PTPRG: variants seen among roughly 807,000 people sequenced by gnomAD.
The protein encoded by PTPRG is protein tyrosine phosphatase receptor type G.
PTPRG carries 102 observed loss-of-function variants against 165.3 expected under a neutral mutation model. The observed-to-expected ratio is 0.62, with a 90% CI of 0.53 to 0.73. The LOEUF is 0.73. Among genes scored for constraint, PTPRG ranks in the 30% least tolerant of loss-of-function variants. PTPRG has a pLI of 0.00. For synonymous variants in PTPRG, 675 were observed against 669.5 expected (o/e 1.01, Z -0.13); for missense variants, 1,866 against 1,861.4 (o/e 1.00, Z -0.05).
intron 1 of PTPRG, among the ~76,000 whole-genome samples, chr3:61,616,033 C>T (rs1701288543): frequency 6.6e-6 from 1 of 152,232 alleles, no homozygotes; most frequent in African/African-American, 2.4e-5. Flanking sequence ...TCACTGCAAC[C>T]TCCGCCTTCT....
At chr3:61,920,092 T>G (rs532089762) in intron 2 of PTPRG, among the ~76,000 whole-genome samples, 2 of 152,316 alleles carry the variant, frequency 1.3e-5, no homozygotes, top group African/African-American at 4.8e-5. Context: ...CTGGTTGAGG[T>G]GTTTTTCTCC....
chr3:61,740,791 G>C (rs1429760844), intron 1 of PTPRG, among the ~76,000 whole-genome samples: 1 of 151,950 alleles, frequency 6.6e-6, no homozygotes, highest in African/African-American at 2.4e-5. Context: ...ATTCATGTAA[G>C]GTGATGAAAA....
At chr3:61,908,118 C>CT (rs1377066306) in intron 2 of PTPRG, among the ~76,000 whole-genome samples, 13 of 75,234 alleles carry the variant, frequency 1.7e-4, no homozygotes, top group Non-Finnish European at 3.3e-4. Context: ...GACCACCTCT[C>CT]TTTAAAAAAA....
chr3:61,917,124 G>C (rs575066169), intron 2 of PTPRG, among the ~76,000 whole-genome samples: 2 of 152,182 alleles, frequency 1.3e-5, no homozygotes, highest in East Asian at 3.9e-4. Flanking sequence ...TGCTTTTTGC[G>C]TCCCCTGCAG....
intron 2 of PTPRG, among the ~76,000 whole-genome samples, chr3:61,764,602 G>A (rs12629194): frequency 0.13 from 20,380 of 152,166 alleles, 1,784 homozygotes; most frequent in East Asian, 0.45. Flanking sequence ...TGATACTTGA[G>A]CAGACATCTG....
chr3:62,150,709 T>G (rs919667218), intron 6 of PTPRG, among the ~76,000 whole-genome samples: 7 of 152,106 alleles, frequency 4.6e-5, no homozygotes, highest in Non-Finnish European at 1.0e-4. Context: ...AGAAACCAAA[T>G]AATCATTGGG....
chr3:62,035,311 T>C (rs1325663623), intron 4 of PTPRG, among the ~76,000 whole-genome samples: 1 of 152,166 alleles, frequency 6.6e-6, no homozygotes, highest in Non-Finnish European at 1.5e-5. Context: ...CACTGTCAAA[T>C]GTAAAAGCCA....
chr3:61,649,081 C>G (rs6445231), intron 1 of PTPRG, among the ~76,000 whole-genome samples: 1 of 151,974 alleles, frequency 6.6e-6, no homozygotes, highest in Admixed American at 6.6e-5. Flanking sequence ...CATTGTTACA[C>G]GAGTATGCCG....
chr3:62,138,540 G>A (rs1703801197), intron 6 of PTPRG, among the ~76,000 whole-genome samples: 1 of 151,976 alleles, frequency 6.6e-6, no homozygotes, highest in African/African-American at 2.4e-5. Context: ...CCAACATGGT[G>A]AATCTCCATC....
chr3:62,080,061 CATT>C (rs1701513637), intron 5 of PTPRG, among the ~76,000 whole-genome samples: 2 of 111,570 alleles, frequency 1.8e-5, no homozygotes, highest in Non-Finnish European at 1.8e-5. Context: ...CCCTTCGGTT[CATT>C]TTTTTTTTTT....
chr3:61,775,039 G>A (rs1359119468), intron 2 of PTPRG, among the ~76,000 whole-genome samples: 1 of 152,084 alleles, frequency 6.6e-6, no homozygotes, highest in Non-Finnish European at 1.5e-5. Flanking sequence ...ACTCGTATGT[G>A]ATGGTGTGTG....
At position 61,694,176 on chromosome 3, in the gene PTPRG, G is replaced by A. The variant is rs1439538611; in HGVS notation, c.86-54702G>A. ...GAATACAGGGAAGAATGCATGCTAA[G>A]ACGTGGGTGCAAAAATGCCAATTAA... On this transcript the variant is annotated intron_variant, in intron 1 of 29. Coordinates refer to ENST00000474889, the MANE Select transcript of PTPRG (RefSeq NM_002841.4). Among the ~76,000 whole-genome samples the A allele has an allele frequency of 1.3e-5, 2 of 152,268 alleles. 1 individual carries two copies. Among genetic ancestry groups the A allele is most frequent in the East Asian group, 3.9e-4 (2 of 5,176 alleles).
chr3:62,069,706 A>G (rs1239140142), intron 4 of PTPRG, among the ~76,000 whole-genome samples: 1 of 151,620 alleles, frequency 6.6e-6, no homozygotes, highest in African/African-American at 2.4e-5. Flanking sequence ...ACACGCACAC[A>G]CACACACACA....
chr3:62,069,147 A>C (rs1314785948), intron 4 of PTPRG, among the ~76,000 whole-genome samples: 1 of 152,244 alleles, frequency 6.6e-6, no homozygotes, highest in African/African-American at 2.4e-5. Context: ...GAAAGTCATC[A>C]GGACATATTG....
chr3:61,778,263 T>C (rs535201464), intron 2 of PTPRG, among the ~76,000 whole-genome samples: 2 of 152,270 alleles, frequency 1.3e-5, no homozygotes, highest in Admixed American at 1.3e-4. Context: ...GCTCCTGTTA[T>C]AGAATCTCAT....
At chr3:61,993,632 A>G (rs74784478) in intron 3 of PTPRG, among the ~76,000 whole-genome samples, 1 of 152,220 alleles carries the variant, frequency 6.6e-6, no homozygotes, top group Non-Finnish European at 1.5e-5. Context: ...GAGAAAAATT[A>G]AAAGTTTAAT....
At chr3:61,867,237 C>T (rs1349637675) in intron 2 of PTPRG, among the ~76,000 whole-genome samples, 1 of 152,158 alleles carries the variant, frequency 6.6e-6, no homozygotes, top group East Asian at 1.9e-4. Context: ...CGGCCCTCCT[C>T]CATGGCCAAG....
intron 1 of PTPRG, among the ~76,000 whole-genome samples, chr3:61,727,827 A>G (rs1489710951): frequency 6.6e-6 from 1 of 152,216 alleles, no homozygotes; most frequent in Admixed American, 6.5e-5. Flanking sequence ...CATGACACTG[A>G]AATTTCGGAG....
chr3:61,928,309 C>G (rs1206920672), intron 2 of PTPRG, among the ~76,000 whole-genome samples: 1 of 152,098 alleles, frequency 6.6e-6, no homozygotes, highest in African/African-American at 2.4e-5. Context: ...ATAATGCGAC[C>G]CCATATTTGT....
Sources: allele counts gnomAD v4.1 joint callset (sites outside exome capture counted in the v4.1 genomes callset), GRCh38; gene constraint gnomAD v4.1.1; transcripts MANE v1.5; gene names NCBI Gene and HGNC (gene_info 2026-07-23, HGNC 2026-07-21).